The following GPHN variants were observed in gnomAD, a reference collection of about 807,000 sequenced individuals.
GPHN encodes the protein gephyrin.
Under a neutral mutation model 95.5 loss-of-function variants are expected in GPHN, and 17 were observed. The observed-to-expected ratio is 0.18, with a 90% CI of 0.12 to 0.27. GPHN has a LOEUF of 0.27. Among genes scored for constraint, GPHN ranks in the 10% least tolerant of loss-of-function variants. The probability of loss-of-function intolerance (pLI) is 1.00; values close to 1 mark genes in which losing one functional copy is unlikely to be tolerated. For missense variants in GPHN, 660 were observed against 978.1 expected, an observed-to-expected ratio of 0.67 and a Z score of 4.34; for synonymous variants, 320 against 322.5, an observed-to-expected ratio of 0.99 and a Z score of 0.08.
intron 4 of GPHN, among the ~76,000 whole-genome samples, chr14:66,829,559 A>AT (rs547375620): frequency 1.2e-3 from 176 of 152,322 alleles, no homozygotes; most frequent in South Asian, 2.1e-3. Flanking sequence ...GTATTATTAC[A>AT]TAAAGGATCT....
At chr14:66,616,973 T>A (rs1474167765) in intron 1 of GPHN, among the ~76,000 whole-genome samples, 1 of 152,186 alleles carries the variant, frequency 6.6e-6, no homozygotes, top group Non-Finnish European at 1.5e-5. Context: ...CCCAAAGTGC[T>A]GGGATTACAG....
chr14:67,708,319 G>C, the GPHN span, among the ~76,000 whole-genome samples: 1 of 152,140 alleles, frequency 6.6e-6, no homozygotes, highest in Non-Finnish European at 1.5e-5. Flanking sequence ...TGTTCTGCTT[G>C]ATATTCGTGA....
the GPHN span, among the ~76,000 whole-genome samples, chr14:67,537,044 A>C: frequency 5.4e-5 from 8 of 148,196 alleles, no homozygotes; most frequent in African/African-American, 1.8e-4. Flanking sequence ...CATCTCAATA[A>C]TAATAATAAT....
intron 3 of GPHN, among the ~76,000 whole-genome samples, chr14:66,809,030 A>C (rs1031667013): frequency 2.6e-5 from 4 of 152,190 alleles, no homozygotes; most frequent in African/African-American, 9.7e-5. Context: ...GGAAATAAGA[A>C]GGTAAGTTAG....
chr14:67,209,819 G>GAAA, the GPHN span, among the ~76,000 whole-genome samples: 210 of 76,916 alleles, frequency 2.7e-3, 4 homozygotes, highest in East Asian at 0.025. Flanking sequence ...CTCCATCTCG[G>GAAA]AAAAAAAAAA....
chr14:67,603,735 T>C, the GPHN span, among the ~76,000 whole-genome samples: 3 of 152,216 alleles, frequency 2.0e-5, no homozygotes, highest in Non-Finnish European at 4.4e-5. Context: ...TGGAGTGCAA[T>C]GGCACAATCT....
intron 13 of GPHN, among the ~76,000 whole-genome samples, chr14:67,101,470 A>T (rs1422489371): frequency 6.6e-6 from 1 of 151,780 alleles, no homozygotes; most frequent in East Asian, 1.9e-4. Flanking sequence ...AAAGTGGGAA[A>T]TTATTTTATA....
At chr14:67,727,545 C>T in the GPHN span, 27 of 304,334 alleles carry the variant, frequency 8.9e-5, no homozygotes, top group South Asian at 5.4e-4. Flanking sequence ...TGCAGTAGTG[C>T]GATCTTGGCT....
intron 4 of GPHN, among the ~76,000 whole-genome samples, chr14:66,848,703 G>A (rs1435035036): frequency 1.3e-5 from 2 of 151,786 alleles, no homozygotes; most frequent in Non-Finnish European, 2.9e-5. Context: ...AAAAGATGAC[G>A]TTCATCTTTT....
At chr14:67,439,216 GGTT>G in the GPHN span, among the ~76,000 whole-genome samples, 19 of 152,218 alleles carry the variant, frequency 1.2e-4, no homozygotes, top group African/African-American at 4.6e-4. Context: ...CTAGCTCATA[GGTT>G]GTTGTGAAGC....
the GPHN span, among the ~76,000 whole-genome samples, chr14:67,325,981 T>TTC: frequency 7.1e-6 from 1 of 140,254 alleles, no homozygotes; most frequent in Admixed American, 7.1e-5. Flanking sequence ...GCTCTTTTCT[T>TTC]TTTTTTTTTT....
chr14:66,874,604 G>A (rs1007987642), intron 4 of GPHN, among the ~76,000 whole-genome samples: 3 of 152,114 alleles, frequency 2.0e-5, no homozygotes, highest in African/African-American at 7.2e-5. Flanking sequence ...AAAACTTCAT[G>A]AAGCATACAC....
chr14:66,919,692 C>A lies in GPHN; in HGVS notation c.457-2974C>A, dbSNP rs146994954. On this transcript the variant is annotated intron_variant, in intron 6 of 22. Transcript: ENST00000478722. ...CCTGAGTGCCTTGGATATAAATATT[C>A]ATATTCTTTTACTTAGCCTCCTGAG... Among the ~76,000 whole-genome samples the A allele has an allele frequency of 2.0e-4, 31 of 152,240 alleles. No homozygotes were observed. The East Asian group carries it at 5.8e-3, about 28-fold the overall frequency.
At chr14:67,269,044 G>C in the GPHN span, among the ~76,000 whole-genome samples, 2 of 152,116 alleles carry the variant, frequency 1.3e-5, no homozygotes, top group African/African-American at 4.8e-5. Flanking sequence ...TTCACCCCCA[G>C]TTTTAGGCAA....
chr14:67,208,905 A>G, the GPHN span, among the ~76,000 whole-genome samples: 1 of 151,940 alleles, frequency 6.6e-6, no homozygotes, highest in Non-Finnish European at 1.5e-5. Context: ...TCAAAAAAAA[A>G]AAAAGAAAAG....
intron 3 of GPHN, among the ~76,000 whole-genome samples, chr14:66,805,858 G>A (rs913801929): frequency 3.3e-5 from 5 of 152,096 alleles, no homozygotes; most frequent in African/African-American, 9.7e-5. Flanking sequence ...TCAGGCACAC[G>A]GTACCAGATT....
At chr14:66,983,221 C>A (rs113908626) in intron 9 of GPHN, among the ~76,000 whole-genome samples, 72 of 152,068 alleles carry the variant, frequency 4.7e-4, no homozygotes, top group Non-Finnish European at 9.7e-4. Context: ...CACTGCACTC[C>A]AGCCTGGATG....
At chr14:66,916,903 T>C (rs1454832874) in intron 6 of GPHN, among the ~76,000 whole-genome samples, 2 of 152,204 alleles carry the variant, frequency 1.3e-5, no homozygotes, top group Non-Finnish European at 2.9e-5. Flanking sequence ...ATATTTACTA[T>C]GGTATTTATG....
chr14:66,639,716 G>C (rs868084179), intron 1 of GPHN, among the ~76,000 whole-genome samples: 7 of 151,810 alleles, frequency 4.6e-5, no homozygotes, highest in Middle Eastern at 3.4e-3. Flanking sequence ...AAATATGTAT[G>C]TGTGTACCCC....
Sources: gnomAD v4.1 joint callset for allele counts (sites outside exome capture counted in the v4.1 genomes callset) on GRCh38, gnomAD v4.1.1 for gene constraint, MANE v1.5 for transcripts, NCBI Gene and HGNC (gene_info 2026-07-23, HGNC 2026-07-21) for gene names.